Variants in SLC25A21 observed in about 807,000 individuals in gnomAD.
SLC25A21 encodes solute carrier family 25 member 21, also known as mitochondrial 2-oxodicarboxylate carrier.
Under a neutral mutation model 43.8 loss-of-function variants are expected in SLC25A21, and 47 were observed. The ratio of observed to expected loss-of-function variants is 1.07; its 90% CI spans 0.85 to 1.37. The LOEUF (loss-of-function observed/expected upper bound fraction) is 1.37, where lower values mean the gene tolerates loss of function less well. SLC25A21 is among the 40% of genes most tolerant of loss of function. The pLI, the probability that SLC25A21 is intolerant of heterozygous loss-of-function variation, is 0.00. For synonymous variants in SLC25A21, 131 were observed against 121.3 expected, an observed-to-expected ratio of 1.08 and a Z score of -0.52; for missense variants, 352 against 350.2, an observed-to-expected ratio of 1.00 and a Z score of -0.04.
intron 1 of SLC25A21, among the ~76,000 whole-genome samples, chr14:37,130,426 C>T (rs1018346308): frequency 4.6e-5 from 7 of 152,106 alleles, no homozygotes; most frequent in Admixed American, 4.6e-4. Flanking sequence ...AAGATAGCTG[C>T]GAGACATGCT....
intron 3 of SLC25A21, chr14:36,759,572 G>T (rs917217176): frequency 1.3e-5 from 2 of 152,222 alleles, no homozygotes; most frequent in Non-Finnish European, 2.9e-5. Context: ...ATGTCTTACA[G>T]AGGAGAAAAC....
intron 2 of SLC25A21, among the ~76,000 whole-genome samples, chr14:36,837,230 C>T (rs1173086189): frequency 1.3e-5 from 2 of 151,786 alleles, no homozygotes; most frequent in African/African-American, 4.8e-5. Context: ...TGCAAGGAGA[C>T]TGGAGAACAC....
chr14:36,741,373 T>C (rs1388392009), intron 3 of SLC25A21, among the ~76,000 whole-genome samples: 1 of 152,188 alleles, frequency 6.6e-6, no homozygotes, highest in Non-Finnish European at 1.5e-5. Context: ...CCTTGTTGTC[T>C]ATCAGAAATG....
chr14:36,992,924 T>TA (rs913347467), intron 1 of SLC25A21, among the ~76,000 whole-genome samples: 1 of 152,174 alleles, frequency 6.6e-6, no homozygotes, highest in African/African-American at 2.4e-5. Context: ...TTTCCCTTTG[T>TA]AAAAAACCCA....
At chr14:36,720,902 T>C (rs1260588952) in intron 6 of SLC25A21, among the ~76,000 whole-genome samples, 1 of 152,154 alleles carries the variant, frequency 6.6e-6, no homozygotes, top group Non-Finnish European at 1.5e-5. Context: ...CCGTAAGCCT[T>C]GATAAGGAAT....
intron 1 of SLC25A21, among the ~76,000 whole-genome samples, chr14:37,014,333 G>A (rs1347525442): frequency 6.6e-6 from 1 of 152,130 alleles, no homozygotes. Flanking sequence ...TGACAACTAA[G>A]TTTATGAAAT....
intron 1 of SLC25A21, among the ~76,000 whole-genome samples, chr14:37,035,249 T>C (rs187826399): frequency 6.6e-6 from 1 of 152,368 alleles, no homozygotes; most frequent in Non-Finnish European, 1.5e-5. Flanking sequence ...CTCAGTCCTC[T>C]AGCGCTGCTT....
At chr14:37,053,488 T>C (rs11850941) in intron 1 of SLC25A21, among the ~76,000 whole-genome samples, 4,929 of 152,320 alleles carry the variant, frequency 0.032, 107 homozygotes, top group African/African-American at 0.039. Context: ...ATATAATGTA[T>C]ATCCTCTGAC....
At chr14:37,152,689 G>A (rs1239062110) in intron 1 of SLC25A21, among the ~76,000 whole-genome samples, 1 of 152,048 alleles carries the variant, frequency 6.6e-6, no homozygotes, top group African/African-American at 2.4e-5. Flanking sequence ...GTTAGAATGT[G>A]TAAAACACAA....
In SLC25A21 at chr14:37,149,027, T is replaced by A. The variant is rs76463699; in HGVS notation, c.70+23254A>T. On this transcript the variant is annotated intron_variant, in intron 1 of 9. Transcript: ENST00000331299. ...TCAAGCAATTCTCCCCACTTTGGCC[T>A]CCCTAAATGCTGGAATTACAGGCGT... 1.4e-3 allele frequency among the ~76,000 whole-genome samples: 215 copies of A among 152,274 alleles called. 1 individual carries two copies. The highest frequency in any genetic ancestry group is 2.5e-3 in the South Asian group (12 of 4,826).
intron 3 of SLC25A21, among the ~76,000 whole-genome samples, chr14:36,792,814 AT>A (rs1887536211): frequency 6.6e-6 from 1 of 152,152 alleles, no homozygotes; most frequent in African/African-American, 2.4e-5. Context: ...TATGGAACTA[AT>A]TTTGGGTATC....
chr14:36,869,157 A>G (rs187400301), intron 2 of SLC25A21, among the ~76,000 whole-genome samples: 7 of 152,322 alleles, frequency 4.6e-5, no homozygotes, highest in African/African-American at 1.7e-4. Context: ...ACAAAGCAAT[A>G]TAAGTATAAT....
At chr14:36,800,743 G>A (rs1887842323) in intron 3 of SLC25A21, among the ~76,000 whole-genome samples, 1 of 151,988 alleles carries the variant, frequency 6.6e-6, no homozygotes, top group Non-Finnish European at 1.5e-5. Flanking sequence ...TTTATGTTAT[G>A]TATATTTTAC....
At chr14:36,962,488 C>A (rs74243647) in intron 1 of SLC25A21, among the ~76,000 whole-genome samples, 1 of 152,108 alleles carries the variant, frequency 6.6e-6, no homozygotes, top group South Asian at 2.1e-4. Context: ...TTTCCTCTCC[C>A]TGCCACCCCA....
At chr14:36,859,117 T>C (rs527877307) in intron 2 of SLC25A21, among the ~76,000 whole-genome samples, 2 of 152,356 alleles carry the variant, frequency 1.3e-5, no homozygotes, top group East Asian at 1.9e-4. Flanking sequence ...GCATTATTTT[T>C]GCTTTAAATT....
chr14:37,168,767 G>C (rs1876832058), intron 1 of SLC25A21, among the ~76,000 whole-genome samples: 1 of 152,166 alleles, frequency 6.6e-6, no homozygotes, highest in African/African-American at 2.4e-5. Flanking sequence ...CTGTGAGAAA[G>C]AGGACTGAGG....
intron 1 of SLC25A21, among the ~76,000 whole-genome samples, chr14:36,968,295 T>C (rs764710917): frequency 8.5e-5 from 13 of 152,198 alleles, no homozygotes; most frequent in Admixed American, 5.2e-4. Flanking sequence ...ACAGCACAGC[T>C]AAGCCCCTCT....
At chr14:36,705,133 CGG>C (rs758976820) in intron 7 of SLC25A21, among the ~76,000 whole-genome samples, 2 of 152,002 alleles carry the variant, frequency 1.3e-5, no homozygotes, top group Admixed American at 1.3e-4. Context: ...CTCCGCCTCC[CGG>C]GTTCACACCA....
At chr14:37,022,613 G>A (rs1484211227) in intron 1 of SLC25A21, among the ~76,000 whole-genome samples, 3 of 151,822 alleles carry the variant, frequency 2.0e-5, no homozygotes. Flanking sequence ...ATTTTATTTT[G>A]TCTACGAGTT....
Sources: gnomAD v4.1 joint callset for allele counts (sites outside exome capture counted in the v4.1 genomes callset) on GRCh38, gnomAD v4.1.1 for gene constraint, MANE v1.5 for transcripts, NCBI Gene and HGNC (gene_info 2026-07-23, HGNC 2026-07-21) for gene names.